The following WDR89 variants were observed in gnomAD, a reference collection of about 807,000 sequenced individuals.
The protein encoded by WDR89 is WD repeat domain 89.
A neutral mutation model predicts 29.1 loss-of-function variants in WDR89; 17 were observed. That is an observed-to-expected ratio of 0.58 (90% CI 0.40 to 0.88). The LOEUF (loss-of-function observed/expected upper bound fraction) is 0.88. Among genes scored for constraint, WDR89 ranks in the 40% least tolerant of loss-of-function variants. The pLI, the probability that WDR89 is intolerant of heterozygous loss-of-function variation, is 0.00. For missense variants in WDR89, 396 were observed against 456.3 expected (o/e 0.87, Z 1.20); for synonymous variants, 138 against 157.8 (o/e 0.87, Z 0.94).
At chr14:63,631,815 C>G (rs192581248) in intron 1 of WDR89, among the ~76,000 whole-genome samples, 1 of 152,236 alleles carries the variant, frequency 6.6e-6, no homozygotes, top group East Asian at 1.9e-4. Context: ...GGAGTTGAGT[C>G]AGAAAGTAAA....
At chr14:63,636,849 GC>G (rs1355926597) in intron 1 of WDR89, among the ~76,000 whole-genome samples, 1 of 152,110 alleles carries the variant, frequency 6.6e-6, no homozygotes, top group Non-Finnish European at 1.5e-5. Context: ...CTAGACATTG[GC>G]TTAGGCAAGG....
chr14:63,621,566 GC>G (rs1354139709), intron 2 of WDR89, among the ~76,000 whole-genome samples: 1 of 152,044 alleles, frequency 6.6e-6, no homozygotes, highest in Non-Finnish European at 1.5e-5. Flanking sequence ...CGATTGCACT[GC>G]AGCCTGAGTG....
intron 2 of WDR89, 133 bp from the exon 3 acceptor site, chr14:63,600,106 A>T: frequency 4.2e-6 from 2 of 472,982 alleles, no homozygotes; most frequent in Admixed American, 3.9e-5. Context: ...GGCATGAATC[A>T]ATCAATCAAC....
Position 63,599,139 on chromosome 14 carries a change from G to C in WDR89, c.804C>G (p.Asn268Lys). ...LNIQDVREVV[N>K]MKEDALDYLI... is the part of the protein sequence containing the mutation. ...AATAGTCCAAAGCATCTTCTTTCAT[G>C]TTAACTACTTCTCTGACATCCTGGA... is the stretch of plus-strand genomic sequence containing the variant. Residue 268 changes from asparagine to lysine, a missense_variant, in exon 3 of 3, where the codon AAC becomes AAG. Asn to Lys is a moderately conservative substitution (Grantham distance 94). Transcript: ENST00000620954. 2 of 1,613,766 alleles carry C rather than the reference G, an allele frequency of 1.2e-6. No individual in the cohort carries two copies. The highest frequency in any genetic ancestry group is 1.7e-6 in the Non-Finnish European group (2 of 1,179,792).
intron 1 of WDR89, among the ~76,000 whole-genome samples, chr14:63,640,228 G>A (rs979401243): frequency 3.9e-5 from 6 of 152,166 alleles, no homozygotes; most frequent in Admixed American, 1.3e-4. Flanking sequence ...GTGCAGTCCA[G>A]GCTCCACAAG....
At chr14:63,636,141 G>A (rs1883723066) in intron 1 of WDR89, among the ~76,000 whole-genome samples, 1 of 152,096 alleles carries the variant, frequency 6.6e-6, no homozygotes. Context: ...CTCGGGAGGT[G>A]GAGGTTGCAG....
At chr14:63,604,516 C>G (rs1245849809) in intron 2 of WDR89, among the ~76,000 whole-genome samples, 2 of 152,182 alleles carry the variant, frequency 1.3e-5, no homozygotes, top group African/African-American at 4.8e-5. Flanking sequence ...ACCACCTATA[C>G]TTAACAAATA....
At chr14:63,628,558 G>A (rs970917067) in intron 1 of WDR89, among the ~76,000 whole-genome samples, 9 of 152,196 alleles carry the variant, frequency 5.9e-5, no homozygotes, top group Non-Finnish European at 8.8e-5. Flanking sequence ...CCCTAGAGAT[G>A]TAACATTTGG....
intron 1 of WDR89, chr14:63,641,468 A>G (rs2139592734): frequency 6.6e-6 from 1 of 152,404 alleles, no homozygotes; most frequent in South Asian, 2.1e-4. Flanking sequence ...GAGAGGAAAG[A>G]GCAGGAGGAA....
At chr14:63,639,153 G>C (rs1021545280) in intron 1 of WDR89, among the ~76,000 whole-genome samples, 3 of 152,202 alleles carry the variant, frequency 2.0e-5, no homozygotes, top group Non-Finnish European at 4.4e-5. Flanking sequence ...GCCTCCAGAA[G>C]GAATTGGGCC....
chr14:63,605,006 C>T lies in WDR89; in HGVS notation c.-31-5033G>A, dbSNP rs145658290. On this transcript the variant is annotated intron_variant, in intron 2 of 2. Transcript: ENST00000620954. ...CTACACAAAAAATACAAAAATTAGC[C>T]AGGCATGGTGGTGCACGCCTATAGT... is the stretch of plus-strand genomic sequence containing the variant. Among the ~76,000 whole-genome samples, 16 of 152,066 alleles carry T rather than the reference C, an allele frequency of 1.1e-4. No individual in the cohort carries two copies. The East Asian group carries it at 2.1e-3, about 20-fold the overall frequency.
At chr14:63,603,769 A>T (rs187560841) in intron 2 of WDR89, among the ~76,000 whole-genome samples, 25 of 152,340 alleles carry the variant, frequency 1.6e-4, no homozygotes, top group Non-Finnish European at 3.1e-4. Context: ...AGGTAGCTCT[A>T]AAAATGGTGT....
chr14:63,627,144 A>ACTCTCTCT (rs1471637626), intron 1 of WDR89, among the ~76,000 whole-genome samples: 22 of 131,552 alleles, frequency 1.7e-4, no homozygotes, highest in South Asian at 5.6e-4. Context: ...ACACACACAC[A>ACTCTCTCT]CACACACTCT....
At chr14:63,634,289 A>G (rs943624221) in intron 1 of WDR89, among the ~76,000 whole-genome samples, 1 of 152,214 alleles carries the variant, frequency 6.6e-6, no homozygotes, top group Non-Finnish European at 1.5e-5. Context: ...TGGGAGCCCA[A>G]GGCGGGTGGA....
rs113678556 is a variant in WDR89 at position 63,601,647 on chromosome 14, G to A, written c.-31-1674C>T. ...AAAAGTATTGCAAGCAACAGTAGTC[G>A]CTGTTGGATCGGGTTCTAAAGGAAA... On this transcript the variant is annotated intron_variant, in intron 2 of 2. Coordinates refer to ENST00000620954, the MANE Select transcript of WDR89 (RefSeq NM_080666.4). The A allele has an allele frequency of 5.7e-3, 9,210 of 1,613,076 alleles. 431 individuals carry two copies. The African/African-American group carries it at 0.1, about 18-fold the overall frequency.
chr14:63,633,433 A>G (rs1387831730), intron 1 of WDR89, among the ~76,000 whole-genome samples: 1 of 152,142 alleles, frequency 6.6e-6, no homozygotes, highest in Non-Finnish European at 1.5e-5. Context: ...TTTTCCTGAC[A>G]CTGGATAGTT....
intron 1 of WDR89, among the ~76,000 whole-genome samples, chr14:63,637,739 T>G (rs954350055): frequency 6.6e-6 from 1 of 151,990 alleles, no homozygotes; most frequent in East Asian, 1.9e-4. Context: ...CACTGATATG[T>G]GGGAGCTAAG....
intron 2 of WDR89, among the ~76,000 whole-genome samples, chr14:63,603,718 T>C (rs1895185360): frequency 6.6e-6 from 1 of 152,158 alleles, no homozygotes; most frequent in Admixed American, 6.5e-5. Flanking sequence ...TAGGACCCCA[T>C]CAGTCTGTAA....
chr14:63,633,250 T>C (rs1883522340), intron 1 of WDR89, among the ~76,000 whole-genome samples: 1 of 152,024 alleles, frequency 6.6e-6, no homozygotes, highest in South Asian at 2.1e-4. Context: ...AGTATATATA[T>C]ATATTTATGT....
Sources: gnomAD v4.1 joint callset for allele counts (sites outside exome capture counted in the v4.1 genomes callset) on GRCh38, gnomAD v4.1.1 for gene constraint, MANE v1.5 for transcripts, NCBI Gene and HGNC (gene_info 2026-07-23, HGNC 2026-07-21) for gene names.